The following FBXW11 variants were observed in gnomAD, a reference collection of about 807,000 sequenced individuals.
The protein encoded by FBXW11 is F-box and WD repeat domain containing 11, also known as F-box/WD repeat-containing protein 11.
FBXW11 carries 19 observed loss-of-function variants against 77.6 expected under a neutral mutation model. The ratio of observed to expected loss-of-function variants is 0.24; its 90% CI spans 0.17 to 0.36. FBXW11 has a LOEUF of 0.36. Ranked by LOEUF, FBXW11 falls within the 10% of genes least tolerant of loss-of-function variation. The probability of loss-of-function intolerance (pLI) is 1.00; values close to 1 mark genes in which losing one functional copy is unlikely to be tolerated. For synonymous variants in FBXW11, 235 were observed against 249.4 expected (o/e 0.94, Z 0.54); for missense variants, 334 against 704.2 (o/e 0.47, Z 5.95).
At position 171,904,117 on chromosome 5, in the gene FBXW11, CA is replaced by C. The variant is rs1760315172; in HGVS notation, c.437-4018del. ...TTTGAGACCAGCCTGGACAGCATGG[CA>C]AAACTCCATCTCTACTAAATATACA... On this transcript the variant is annotated intron_variant, in intron 4 of 13. Coordinates refer to ENST00000517395, the MANE Select transcript of FBXW11 (RefSeq NM_001378974.1). This position sits in a 1 kb window ranked among gnomAD's most constrained non-coding sequence, Gnocchi z 4.0. Among the ~76,000 whole-genome samples the C allele has an allele frequency of 6.6e-6, 1 of 151,972 alleles. No homozygotes were observed. The highest frequency in any genetic ancestry group is 6.6e-5 in the Admixed American group (1 of 15,254).
intron 1 of FBXW11, among the ~76,000 whole-genome samples, chr5:171,993,403 A>G (rs1765856832): frequency 6.6e-6 from 1 of 152,080 alleles, no homozygotes; most frequent in Admixed American, 6.6e-5. Context: ...CACAAGGTCA[A>G]GAGATCGAGA....
chr5:171,900,575 C>A (rs1354485764), intron 4 of FBXW11, among the ~76,000 whole-genome samples: 1 of 152,072 alleles, frequency 6.6e-6, no homozygotes. Context: ...AATCATATCC[C>A]CATTAATCCA....
intron 8 of FBXW11, among the ~76,000 whole-genome samples, 193 bp downstream of exon 8, chr5:171,877,818 A>G (rs1346335329): frequency 1.3e-5 from 2 of 152,246 alleles, no homozygotes; most frequent in South Asian, 2.1e-4. Context: ...ATGAACAGCA[A>G]TAGGAATAGA....
chr5:171,993,070 T>C (rs1395604912), intron 1 of FBXW11, among the ~76,000 whole-genome samples: 3 of 151,530 alleles, frequency 2.0e-5, no homozygotes, highest in African/African-American at 7.3e-5. Flanking sequence ...TAAAAGGATC[T>C]GGGAAGCAAA....
Position 171,938,333 on chromosome 5 carries a change from G to A in FBXW11, c.147+19264C>T, listed in dbSNP as rs191910362. 3.6e-3 allele frequency among the ~76,000 whole-genome samples: 541 copies of A among 152,288 alleles called. 3 individuals carry two copies. Among genetic ancestry groups the A allele is most frequent in the African/African-American group, 0.012 (518 of 41,560 alleles). On this transcript the variant is annotated intron_variant, in intron 2 of 13. Transcript: ENST00000517395. The stretch of plus-strand genomic sequence containing the variant: ...CAGCCTCAGCCTCCCAAATCACTGC[G>A]GTTACAGGCGTGAGCCACTGCACCT...
At chr5:171,872,771 A>G in intron 10 of FBXW11, 101 bp downstream of exon 10, 1 of 822,732 alleles carries the variant, frequency 1.2e-6, no homozygotes, top group African/African-American at 1.7e-5. Context: ...TATCTGAAAC[A>G]TCCCATTTAC....
chr5:171,925,871 G>A (rs1420103240), intron 2 of FBXW11, among the ~76,000 whole-genome samples: 1 of 152,158 alleles, frequency 6.6e-6, no homozygotes, highest in African/African-American at 2.4e-5. Flanking sequence ...CAAAAATTGT[G>A]AGGTTTGTAC....
intron 1 of FBXW11, among the ~76,000 whole-genome samples, chr5:171,982,858 G>C (rs1765223229): frequency 6.6e-6 from 1 of 152,070 alleles, no homozygotes; most frequent in Non-Finnish European, 1.5e-5. Flanking sequence ...TCTGCAGAGA[G>C]GGTCCTGCCT....
At chr5:171,944,332 T>C (rs1324179413) in intron 2 of FBXW11, among the ~76,000 whole-genome samples, 2 of 151,722 alleles carry the variant, frequency 1.3e-5, no homozygotes, top group African/African-American at 2.4e-5. Flanking sequence ...ACCCAGCACT[T>C]TGGGAGGCCA....
At chr5:171,955,690 G>A (rs1425127586) in intron 2 of FBXW11, among the ~76,000 whole-genome samples, 1 of 151,746 alleles carries the variant, frequency 6.6e-6, no homozygotes, top group Non-Finnish European at 1.5e-5. Context: ...TGAGTACTTA[G>A]TTCATTTTAC....
intron 13 of FBXW11, among the ~76,000 whole-genome samples, chr5:171,865,261 AC>A (rs1561625239): frequency 6.6e-6 from 1 of 151,694 alleles, no homozygotes; most frequent in African/African-American, 2.4e-5. Context: ...ACGCACATGT[AC>A]CCTAGAACTT....
intron 1 of FBXW11, among the ~76,000 whole-genome samples, chr5:171,988,316 C>A (rs1383594501): frequency 6.6e-6 from 1 of 151,578 alleles, no homozygotes; most frequent in Non-Finnish European, 1.5e-5. Flanking sequence ...TCTTGTTGTG[C>A]CAAAAAAGCC....
chr5:171,878,946 A>G (rs1758323932), intron 7 of FBXW11, among the ~76,000 whole-genome samples: 2 of 152,220 alleles, frequency 1.3e-5, no homozygotes, highest in South Asian at 2.1e-4. Flanking sequence ...GCATTTCATA[A>G]AAGTCTCAAA....
At chr5:171,935,354 C>T (rs191370254) in intron 2 of FBXW11, among the ~76,000 whole-genome samples, 1 of 151,988 alleles carries the variant, frequency 6.6e-6, no homozygotes, top group Non-Finnish European at 1.5e-5. Flanking sequence ...CTGAATTGTA[C>T]ACTTTAAATG....
chr5:171,996,974 G>A (rs1766091573), intron 1 of FBXW11: 2 of 1,289,664 alleles, frequency 1.6e-6, no homozygotes, highest in Admixed American at 2.3e-5. Flanking sequence ...AAAGACAGCA[G>A]TCAAGCATCT....
intron 4 of FBXW11, among the ~76,000 whole-genome samples, chr5:171,900,399 C>T (rs552051574): frequency 3.6e-4 from 55 of 152,264 alleles, no homozygotes; most frequent in African/African-American, 1.3e-3. Context: ...TTTTATATAA[C>T]TCTCACAGCA....
At chr5:171,868,869 C>G (rs1250169772) in intron 12 of FBXW11, 73 bp from the exon 13 acceptor site, 2 of 1,378,520 alleles carry the variant, frequency 1.5e-6, no homozygotes, top group Admixed American at 2.3e-5. Flanking sequence ...AGAAACTGGG[C>G]AGAAGATGAA....
intron 1 of FBXW11, among the ~76,000 whole-genome samples, chr5:171,974,422 G>A (rs559230354): frequency 4.1e-5 from 6 of 147,282 alleles, no homozygotes; most frequent in Non-Finnish European, 6.0e-5. Flanking sequence ...TGACAGGAGC[G>A]AAACTCCGTC....
chr5:171,973,543 T>C (rs1764650753), intron 1 of FBXW11, among the ~76,000 whole-genome samples: 3 of 152,154 alleles, frequency 2.0e-5, no homozygotes, highest in Admixed American at 2.0e-4. Flanking sequence ...TGAGAAACCA[T>C]AACAGCCAAG....
Sources: allele counts gnomAD v4.1 joint callset (sites outside exome capture counted in the v4.1 genomes callset), GRCh38; gene constraint gnomAD v4.1.1; non-coding constraint Gnocchi (gnomAD v3.1); transcripts MANE v1.5; gene names NCBI Gene and HGNC (gene_info 2026-07-23, HGNC 2026-07-21).